The following PCDHA2 variants were observed in gnomAD, a reference collection of about 807,000 sequenced individuals.
PCDHA2 encodes the protein protocadherin alpha 2.
PCDHA2 carries 58 observed loss-of-function variants against 66.0 expected under a neutral mutation model. The observed-to-expected ratio is 0.88, with a 90% CI of 0.71 to 1.09. PCDHA2 has a LOEUF of 1.09. Ranked by LOEUF, PCDHA2 falls within the 50% of genes least tolerant of loss-of-function variation. The probability of loss-of-function intolerance (pLI) is 0.00; values close to 1 mark genes in which losing one functional copy is unlikely to be tolerated. For missense variants in PCDHA2, 1,267 were observed against 1,242.3 expected (o/e 1.02, Z -0.30); for synonymous variants, 634 against 554.0 (o/e 1.14, Z -2.03).
chr5:140,921,406 C>T (rs1436249655), intron 1 of PCDHA2, among the ~76,000 whole-genome samples: 8 of 152,092 alleles, frequency 5.3e-5, no homozygotes, highest in African/African-American at 1.9e-4. Flanking sequence ...CTAGATTTTC[C>T]TCTGTGCTGC....
At chr5:140,882,212 G>A in intron 1 of PCDHA2, 1 of 1,539,436 alleles carries the variant, frequency 6.5e-7, no homozygotes. Context: ...TTGAGAGACA[G>A]TTTGAGGTAA....
At chr5:140,886,155 T>A (rs528104847) in intron 1 of PCDHA2, among the ~76,000 whole-genome samples, 1 of 152,330 alleles carries the variant, frequency 6.6e-6, no homozygotes, top group South Asian at 2.1e-4. Flanking sequence ...CACCTTTTTA[T>A]AGCCACATCT....
intron 1 of PCDHA2, chr5:140,966,342 T>G: frequency 2.5e-6 from 1 of 395,470 alleles, no homozygotes; most frequent in Non-Finnish European, 4.4e-6. Flanking sequence ...AGGTCCAGGG[T>G]GAAGGAGATG....
chr5:140,873,246 T>C (rs1554166632), intron 1 of PCDHA2, among the ~76,000 whole-genome samples: 1 of 152,142 alleles, frequency 6.6e-6, no homozygotes, highest in African/African-American at 2.4e-5. Flanking sequence ...ATATAAAATA[T>C]TTCAGACTCA....
At chr5:140,844,298 G>A (rs1779310568) in intron 1 of PCDHA2, among the ~76,000 whole-genome samples, 1 of 149,300 alleles carries the variant, frequency 6.7e-6, no homozygotes, top group Admixed American at 6.7e-5. Flanking sequence ...AAATTTGATA[G>A]TTTTCATATT....
chr5:140,886,217 T>C (rs548266069), intron 1 of PCDHA2, among the ~76,000 whole-genome samples: 3 of 152,240 alleles, frequency 2.0e-5, no homozygotes, highest in African/African-American at 7.2e-5. Flanking sequence ...TTTCTCTAAT[T>C]TTGTTACTTT....
chr5:140,836,773 A>G lies in PCDHA2; in HGVS notation c.2388+39421A>G, dbSNP rs2150269695. On this transcript the variant is annotated intron_variant, in intron 1 of 3. Transcript: ENST00000526136. ...AAATAATCTTGTTTCCAACAATTTT[A>G]AAACAATTAGTTCAATTGGTCTCCT... is the stretch of plus-strand genomic sequence containing the variant. The G allele has an allele frequency of 2.6e-6, 4 of 1,543,022 alleles. No individual in the cohort carries two copies. The East Asian group carries it at 9.0e-5, about 35-fold the overall frequency.
In PCDHA2 at chr5:140,884,465, G is replaced by A. The variant is rs782791774; in HGVS notation, c.2388+87113G>A. 8.1e-6 allele frequency: 13 copies of A among 1,613,634 alleles called. No homozygotes were observed. In the South Asian group the frequency reaches 9.9e-5, roughly 12 times the overall value. ...GGCACCGCCCACCGAGGGCGCGTGCGCGCCGGGCAAGCCCACTCTAGTGTG... is the reference window on the plus strand; with the variant it reads ...GGCACCGCCCACCGAGGGCGCGTGCACGCCGGGCAAGCCCACTCTAGTGTG... On this transcript the variant is annotated intron_variant, in intron 1 of 3. Coordinates refer to ENST00000526136, the MANE Select transcript of PCDHA2 (RefSeq NM_018905.3).
intron 1 of PCDHA2, chr5:140,851,186 T>C (rs2041985954): frequency 8.1e-7 from 1 of 1,234,476 alleles, no homozygotes; most frequent in Non-Finnish European, 1.0e-6. Context: ...TGAAAACCAA[T>C]TTAGTTGTTA....
intron 1 of PCDHA2, chr5:140,927,901 GC>G (rs1423958386): frequency 3.1e-6 from 5 of 1,614,084 alleles, no homozygotes; most frequent in Non-Finnish European, 4.2e-6. Context: ...GAACGATCAT[GC>G]CCCCGAACTG....
chr5:140,927,876 G>A lies in PCDHA2; in HGVS notation c.2389-51073G>A, dbSNP rs782412797. ...TAGCTAGCACCGCTAAACTGCTGGT[G>A]GAGGTGACTGACGTGAACGATCATG... On this transcript the variant is annotated intron_variant, in intron 1 of 3. Transcript: ENST00000526136. The A allele has an allele frequency of 1.9e-6, 3 of 1,614,202 alleles. No individual in the cohort carries two copies. The South Asian group carries it at 3.3e-5, about 18-fold the overall frequency.
intron 1 of PCDHA2, among the ~76,000 whole-genome samples, chr5:140,941,737 T>A (rs1221306435): frequency 3.9e-5 from 6 of 152,234 alleles, no homozygotes; most frequent in Admixed American, 2.0e-4. Context: ...TTCCCCATTA[T>A]CTTATCAGAT....
At chr5:140,983,457 G>A (rs1354592991) in intron 3 of PCDHA2, among the ~76,000 whole-genome samples, 4 of 152,182 alleles carry the variant, frequency 2.6e-5, no homozygotes, top group Non-Finnish European at 4.4e-5. Flanking sequence ...TCTATTAATA[G>A]AACATCATGA....
chr5:140,841,817 T>G lies in PCDHA2; in HGVS notation c.2388+44465T>G, dbSNP rs142905144. On this transcript the variant is annotated intron_variant, in intron 1 of 3. Coordinates refer to ENST00000526136, the MANE Select transcript of PCDHA2 (RefSeq NM_018905.3). ...GTCCGATGCAGATGTTGGAGCTAAC[T>G]CCGTGTTAACCTACAGGCTTAGCTC... 5.3e-5 allele frequency: 85 copies of G among 1,613,922 alleles called. No individual in the cohort carries two copies. The African/African-American group carries it at 1.1e-3, about 20-fold the overall frequency.
At chr5:140,967,733 C>T (rs1473723959) in intron 1 of PCDHA2, 7 of 1,614,024 alleles carry the variant, frequency 4.3e-6, no homozygotes, top group Non-Finnish European at 5.9e-6. Context: ...AATTGGGGGG[C>T]TGGATTATGA....
chr5:140,796,457 G>A lies in PCDHA2; in HGVS notation c.1493G>A (p.Arg498Gln), dbSNP rs1338592618. Residue 498 changes from arginine to glutamine, a missense_variant, in exon 1 of 4, where the codon CGG becomes CAG. Coordinates refer to ENST00000526136, the MANE Select transcript of PCDHA2 (RefSeq NM_018905.3). ...ALVSYSLVER[R>Q]VGERALSSYV... is the part of the protein sequence containing the mutation. ...GTGTCCTACTCGCTGGTGGAGCGGC[G>A]GGTGGGCGAGCGCGCGTTGTCGAGC... 2 of 1,612,756 alleles carry A rather than the reference G, an allele frequency of 1.2e-6. No homozygotes were observed. The highest frequency in any genetic ancestry group is 1.7e-6 in the Non-Finnish European group (2 of 1,179,854).
In PCDHA2 at chr5:140,856,566, C is replaced by T. The variant is rs2044089469; in HGVS notation, c.2388+59214C>T. On this transcript the variant is annotated intron_variant, in intron 1 of 3. Transcript: ENST00000526136. ...GCATTGCTTACTTACAAACTCAGTC[C>T]AAATGAGTATTTTGTTCTTGATATT... is the stretch of plus-strand genomic sequence containing the variant. 2.5e-6 allele frequency: 4 copies of T among 1,597,124 alleles called. 1 individual carries two copies. Among genetic ancestry groups the T allele is most frequent in the Non-Finnish European group, 3.4e-6 (4 of 1,166,856 alleles).
At chr5:140,823,461 G>A in intron 1 of PCDHA2, 1 of 1,613,442 alleles carries the variant, frequency 6.2e-7, no homozygotes. Flanking sequence ...ACAACGCGCC[G>A]GCGCTGCTGG....
intron 1 of PCDHA2, chr5:140,861,762 T>G (rs2047066854): frequency 1.1e-5 from 1 of 90,318 alleles, no homozygotes; most frequent in Non-Finnish European, 2.3e-5. Context: ...TATTTTTCCC[T>G]GGAAATACCA....
Sources: gnomAD v4.1 joint callset for allele counts (sites outside exome capture counted in the v4.1 genomes callset) on GRCh38, gnomAD v4.1.1 for gene constraint, MANE v1.5 for transcripts, NCBI Gene and HGNC (gene_info 2026-07-23, HGNC 2026-07-21) for gene names.